RTL4: variants seen among roughly 807,000 people sequenced by gnomAD.
RTL4 encodes retrotransposon Gag like 4.
In RTL4, 4 loss-of-function variants were observed where a neutral mutation model predicts 5.3. The observed-to-expected ratio is 0.75, with a 90% CI of 0.37 to 1.72. The LOEUF (loss-of-function observed/expected upper bound fraction) is 1.72, where lower values mean the gene tolerates loss of function less well. RTL4 is among the 40% of genes most tolerant of loss of function. The pLI is 0.04. For missense variants in RTL4, 260 were observed against 227.1 expected (o/e 1.14, Z -0.93); for synonymous variants, 98 against 87.3 (o/e 1.12, Z -0.68).
chrX:112,383,059 A>G, the RTL4 span, among the ~76,000 whole-genome samples: 1 of 111,907 alleles, frequency 8.9e-6, no homozygotes, highest in African/African-American at 3.2e-5. Context: ...AGCAAGTAAA[A>G]TGATGTTTGT....
chrX:112,228,523 T>A, the RTL4 span, among the ~76,000 whole-genome samples: 1 of 112,630 alleles, frequency 8.9e-6, no homozygotes, highest in Non-Finnish European at 1.9e-5. Context: ...CATACATAGT[T>A]ACTCTTTTTG....
chrX:112,351,188 T>C, the RTL4 span, among the ~76,000 whole-genome samples: 1 of 110,975 alleles, frequency 9.0e-6, no homozygotes, highest in African/African-American at 3.3e-5. Flanking sequence ...TGAGTGAGTT[T>C]CTTAATCCTG....
chrX:112,300,715 A>G, the RTL4 span, among the ~76,000 whole-genome samples: 1 of 112,446 alleles, frequency 8.9e-6, no homozygotes, highest in Non-Finnish European at 1.9e-5. Flanking sequence ...GCAATACGAC[A>G]AGATTAATTT....
At chrX:112,271,377 G>A in the RTL4 span, among the ~76,000 whole-genome samples, 1 of 113,491 alleles carries the variant, frequency 8.8e-6, no homozygotes, top group African/African-American at 3.2e-5. Flanking sequence ...AAGGGGTATA[G>A]ACCAAATTGC....
At chrX:112,260,242 C>G in the RTL4 span, among the ~76,000 whole-genome samples, 23 of 111,264 alleles carry the variant, frequency 2.1e-4, no homozygotes, top group Non-Finnish European at 3.6e-4. Context: ...GGAAATAGGT[C>G]TAGCTCTTGG....
the RTL4 span, among the ~76,000 whole-genome samples, chrX:112,099,898 A>G: frequency 9.0e-6 from 1 of 111,673 alleles, no homozygotes; most frequent in Non-Finnish European, 1.9e-5. Context: ...GGTAGGATTG[A>G]CAAGATTTGA....
At chrX:112,308,201 G>A in the RTL4 span, among the ~76,000 whole-genome samples, 5 of 111,149 alleles carry the variant, frequency 4.5e-5, no homozygotes, top group East Asian at 1.1e-3. Context: ...AAGAGGTCTC[G>A]AATCTACTAC....
downstream of RTL4, among the ~76,000 whole-genome samples, chrX:112,457,440 C>T (rs1443347629): frequency 9.0e-6 from 1 of 111,495 alleles, no homozygotes; most frequent in East Asian, 2.8e-4. Flanking sequence ...AGCTATTGAA[C>T]GTAGAGTGAC....
At chrX:112,122,802 A>G in the RTL4 span, among the ~76,000 whole-genome samples, 1 of 111,546 alleles carries the variant, frequency 9.0e-6, no homozygotes, top group South Asian at 3.7e-4. Flanking sequence ...TAGTATATCT[A>G]TCAATTTTAT....
the RTL4 span, among the ~76,000 whole-genome samples, chrX:112,122,202 T>C: frequency 1.5e-3 from 165 of 111,572 alleles, 1 homozygote; most frequent in African/African-American, 5.2e-3. Context: ...AACAGATGAA[T>C]GGATAAAGAA....
the RTL4 span, among the ~76,000 whole-genome samples, chrX:112,097,796 G>C: frequency 9.0e-6 from 1 of 111,180 alleles, no homozygotes; most frequent in Admixed American, 9.6e-5. Flanking sequence ...ACAATGGTGA[G>C]TGCCTTAAGC....
At chrX:112,089,531 C>A in the RTL4 span, among the ~76,000 whole-genome samples, 2 of 110,977 alleles carry the variant, frequency 1.8e-5, no homozygotes, top group African/African-American at 6.5e-5. Context: ...ATACTGGCAC[C>A]TTGTAAAAAA....
At chrX:112,182,143 A>G in the RTL4 span, among the ~76,000 whole-genome samples, 3 of 111,843 alleles carry the variant, frequency 2.7e-5, no homozygotes, top group South Asian at 1.1e-3. Context: ...ATCAACATCA[A>G]CAAAAACGAC....
At chrX:112,430,384 A>G in the RTL4 span, among the ~76,000 whole-genome samples, 3 of 111,032 alleles carry the variant, frequency 2.7e-5, no homozygotes, top group Admixed American at 1.9e-4. Context: ...CGTTTTTTAT[A>G]TATGGCATTT....
the RTL4 span, among the ~76,000 whole-genome samples, chrX:112,152,474 A>T: frequency 2.7e-5 from 3 of 111,850 alleles, no homozygotes; most frequent in Non-Finnish European, 5.7e-5. Flanking sequence ...TGTATCCACA[A>T]GACCTAGTTG....
At chrX:112,185,377 A>ATATG in the RTL4 span, among the ~76,000 whole-genome samples, 1 of 45,552 alleles carries the variant, frequency 2.2e-5, no homozygotes, top group Non-Finnish European at 3.6e-5. Flanking sequence ...TATTTTATTA[A>ATATG]TATATATATA....
At chrX:112,381,585 G>A in the RTL4 span, 1 of 1,192,279 alleles carries the variant, frequency 8.4e-7, no homozygotes, top group Non-Finnish European at 1.1e-6. Flanking sequence ...TTACAAAAAA[G>A]TAGAGAGATT....
the RTL4 span, among the ~76,000 whole-genome samples, chrX:112,386,819 A>T: frequency 2.7e-5 from 3 of 111,563 alleles, no homozygotes; most frequent in Non-Finnish European, 5.6e-5. Context: ...GTAAACATGC[A>T]TGTGCAAGTA....
chrX:112,131,917 A>G, the RTL4 span, among the ~76,000 whole-genome samples: 1 of 111,856 alleles, frequency 8.9e-6, no homozygotes, highest in Non-Finnish European at 1.9e-5. Flanking sequence ...TTTACCAGCT[A>G]TTTTGCTATA....
Sources: allele counts gnomAD v4.1 joint callset (sites outside exome capture counted in the v4.1 genomes callset), GRCh38; gene constraint gnomAD v4.1.1; transcripts MANE v1.5; gene names NCBI Gene and HGNC (gene_info 2026-07-23, HGNC 2026-07-21).